Variants in POF1B observed in about 807,000 individuals in gnomAD.
POF1B encodes the protein protein POF1B.
In POF1B, 53 loss-of-function variants were observed where a neutral mutation model predicts 55.3. That is an observed-to-expected ratio of 0.96 (90% CI 0.77 to 1.20). The LOEUF is 1.20. POF1B is among the 50% of genes most tolerant of loss of function. POF1B has a pLI of 0.00. For missense variants in POF1B, 478 were observed against 420.5 expected, an observed-to-expected ratio of 1.14 and a Z score of -1.20; for synonymous variants, 188 against 148.3, an observed-to-expected ratio of 1.27 and a Z score of -1.95.
chrX:85,308,076 G>T, intron 10 of POF1B, 48 bp downstream of exon 10: 1 of 812,976 alleles, frequency 1.2e-6, no homozygotes, highest in African/African-American at 2.0e-5. Flanking sequence ...TCTGTATTAG[G>T]AAGCTAGTAA....
chrX:85,323,182 C>T (rs186107257), intron 7 of POF1B, among the ~76,000 whole-genome samples: 1 of 111,690 alleles, frequency 9.0e-6, no homozygotes, highest in Non-Finnish European at 1.9e-5. Context: ...ATAGCAAAGG[C>T]TTGGAACCAA....
At chrX:85,318,587 T>C (rs757093950) in intron 7 of POF1B, among the ~76,000 whole-genome samples, 1 of 112,116 alleles carries the variant, frequency 8.9e-6, no homozygotes, top group Admixed American at 9.5e-5. Context: ...ATTCTGCATA[T>C]GGCTAACCAG....
chrX:85,372,773 C>T (rs1476640846), intron 2 of POF1B, among the ~76,000 whole-genome samples: 6 of 96,770 alleles, frequency 6.2e-5, no homozygotes, highest in Non-Finnish European at 8.2e-5. Context: ...ATTATATATA[C>T]TATATATATA....
chrX:85,311,863 G>A (rs909842830), intron 9 of POF1B, among the ~76,000 whole-genome samples: 1 of 111,658 alleles, frequency 9.0e-6, no homozygotes, highest in African/African-American at 3.3e-5. Flanking sequence ...TTTGATGATC[G>A]CCATTCTAAC....
At chrX:85,337,639 T>C (rs1029318200) in intron 6 of POF1B, among the ~76,000 whole-genome samples, 1 of 111,739 alleles carries the variant, frequency 8.9e-6, no homozygotes, top group African/African-American at 3.2e-5. Flanking sequence ...TGTACAATAG[T>C]CACAATTCTA....
chrX:85,291,385 T>A (rs994468284), intron 15 of POF1B, among the ~76,000 whole-genome samples: 7 of 112,043 alleles, frequency 6.2e-5, no homozygotes, highest in African/African-American at 2.3e-4. Flanking sequence ...CCAAGCTTTG[T>A]TATTTTTGCT....
chrX:85,319,860 G>T (rs1044301053), intron 7 of POF1B, among the ~76,000 whole-genome samples: 1 of 111,554 alleles, frequency 9.0e-6, no homozygotes, highest in Admixed American at 9.6e-5. Flanking sequence ...CCAGGTTTTG[G>T]TATCAGGATG....
At chrX:85,369,619 G>T (rs73627360) in intron 2 of POF1B, among the ~76,000 whole-genome samples, 2,498 of 111,339 alleles carry the variant, frequency 0.022, 60 homozygotes, top group African/African-American at 0.074. Context: ...TCAATTAATA[G>T]TATTCCAAAA....
At position 85,306,292 on chromosome X, in the gene POF1B, T is replaced by G; in HGVS notation, c.1206A>C (p.Glu402Asp). 8.3e-7 allele frequency: 1 copy of G among 1,209,545 alleles called. No homozygotes were observed. Among genetic ancestry groups the G allele is most frequent in the African/African-American group, 1.7e-5 (1 of 57,803 alleles). The change falls in exon 12 of 17, where the codon GAA becomes GAC. Residue 402 changes from glutamate (E) to aspartate (D), a missense_variant. By Grantham distance (45) the Glu-to-Asp change is conservative (BLOSUM62 2). Coordinates refer to ENST00000262753, the MANE Select transcript of POF1B (RefSeq NM_024921.4). ...QDSSSKCQAL[E>D]ENNLSLRHTL... Reference sequence around the variant, plus strand: ...TATGTCGAAGAGAGAGATTGTTTTCTTCCAATGCCTGGCATTTTGAACTTG... The same window carrying G: ...TATGTCGAAGAGAGAGATTGTTTTCGTCCAATGCCTGGCATTTTGAACTTG...
intron 4 of POF1B, among the ~76,000 whole-genome samples, chrX:85,358,305 T>C (rs1438291191): frequency 9.0e-6 from 1 of 111,515 alleles, no homozygotes; most frequent in Non-Finnish European, 1.9e-5. Flanking sequence ...TTTCACGGCA[T>C]CTATCCTACA....
chrX:85,284,210 C>T (rs1409837718), intron 15 of POF1B, among the ~76,000 whole-genome samples: 2 of 111,305 alleles, frequency 1.8e-5, no homozygotes, highest in Admixed American at 9.6e-5. Flanking sequence ...GAATCAATAT[C>T]GTGAAAATGG....
intron 4 of POF1B, among the ~76,000 whole-genome samples, chrX:85,354,835 A>G (rs181632654): frequency 9.0e-6 from 1 of 111,697 alleles, no homozygotes; most frequent in East Asian, 2.8e-4. Flanking sequence ...AGAACAGTCC[A>G]TGATCATGGA....
At chrX:85,338,921 A>C (rs1419241781) in intron 6 of POF1B, among the ~76,000 whole-genome samples, 5 of 111,725 alleles carry the variant, frequency 4.5e-5, no homozygotes, top group African/African-American at 1.3e-4. Context: ...TCAAGTAGGC[A>C]ATTAAAAATG....
chrX:85,298,905 T>TA (rs1028442733), intron 15 of POF1B, among the ~76,000 whole-genome samples: 33 of 103,118 alleles, frequency 3.2e-4, no homozygotes, highest in South Asian at 8.5e-4. Flanking sequence ...TACAAAGAAC[T>TA]AAAAAAAAAA....
At chrX:85,331,113 A>T (rs777894690) in intron 6 of POF1B, 34 bp from the exon 7 acceptor site, 1 of 1,163,963 alleles carries the variant, frequency 8.6e-7, no homozygotes, top group Non-Finnish European at 1.1e-6. Flanking sequence ...TGTAAGCAAT[A>T]TTAAGTTTTT....
chrX:85,362,626 C>T (rs1569298133), intron 3 of POF1B, among the ~76,000 whole-genome samples: 1 of 111,501 alleles, frequency 9.0e-6, no homozygotes, highest in Non-Finnish European at 1.9e-5. Context: ...TTTTGATGTG[C>T]TGCTGGATTA....
chrX:85,321,489 CTGAA>C (rs1166114680), intron 7 of POF1B, among the ~76,000 whole-genome samples: 1 of 109,276 alleles, frequency 9.2e-6, no homozygotes, highest in East Asian at 2.9e-4. Context: ...CAATATCATA[CTGAA>C]TGGGCAAAAA....
chrX:85,343,445 C>A (rs1367350797), intron 6 of POF1B, among the ~76,000 whole-genome samples: 1 of 110,589 alleles, frequency 9.0e-6, no homozygotes, highest in Non-Finnish European at 1.9e-5. Flanking sequence ...AACTCTTAAT[C>A]CTGTCATACA....
intron 4 of POF1B, among the ~76,000 whole-genome samples, chrX:85,355,259 A>G (rs1305274188): frequency 2.7e-5 from 3 of 112,052 alleles, no homozygotes; most frequent in Admixed American, 9.5e-5. Context: ...AGCCATATGT[A>G]GAAAGCTGAA....
Sources: allele counts gnomAD v4.1 joint callset (sites outside exome capture counted in the v4.1 genomes callset), GRCh38; gene constraint gnomAD v4.1.1; transcripts MANE v1.5; gene names NCBI Gene and HGNC (gene_info 2026-07-23, HGNC 2026-07-21).